PDZD8: variants seen among roughly 807,000 people sequenced by gnomAD.
PDZD8 encodes the protein PDZ domain-containing protein 8.
In PDZD8, 14 loss-of-function variants were observed where a neutral mutation model predicts 85.8. The observed-to-expected ratio is 0.16, with a 90% CI of 0.11 to 0.26. PDZD8 has a LOEUF of 0.26. Among genes scored for constraint, PDZD8 ranks in the 10% least tolerant of loss-of-function variants. The pLI is 1.00. For missense variants in PDZD8, 1,197 were observed against 1,424.3 expected, an observed-to-expected ratio of 0.84 and a Z score of 2.57; for synonymous variants, 592 against 568.6, an observed-to-expected ratio of 1.04 and a Z score of -0.59.
intron 3 of PDZD8, among the ~76,000 whole-genome samples, chr10:117,309,089 C>T (rs904085249): frequency 6.6e-6 from 1 of 152,088 alleles, no homozygotes; most frequent in African/African-American, 2.4e-5. Flanking sequence ...GAAGGTGCTA[C>T]TGTGCCTTGA....
At chr10:117,315,320 C>T (rs553680880) in intron 3 of PDZD8, among the ~76,000 whole-genome samples, 3 of 151,962 alleles carry the variant, frequency 2.0e-5, no homozygotes, top group Non-Finnish European at 2.9e-5. Context: ...TGAGGCCAGG[C>T]GCGGTGGCTC....
At position 117,320,235 on chromosome 10, in the gene PDZD8, T is replaced by A. The variant is rs549807349; in HGVS notation, c.996-1261A>T. ...ACTAAGTTTAGGGAAAAAATGAGAA[T>A]TTACATTCATTAAAGCTCTGCTGCC... On this transcript the variant is annotated intron_variant, in intron 2 of 4. Transcript: ENST00000334464. Among the ~76,000 whole-genome samples the A allele has an allele frequency of 8.5e-5, 13 of 152,184 alleles. No homozygotes were observed. The South Asian group carries it at 2.7e-3, about 32-fold the overall frequency.
chr10:117,321,993 C>T (rs1844233724), intron 2 of PDZD8, among the ~76,000 whole-genome samples: 1 of 152,104 alleles, frequency 6.6e-6, no homozygotes, highest in Non-Finnish European at 1.5e-5. Flanking sequence ...CATTATTTGT[C>T]CTATTCAAAG....
At position 117,372,193 on chromosome 10, in the gene PDZD8, T is replaced by C. The variant is rs1845205397; in HGVS notation, c.872+2163A>G. ...CAGATGTGCATACTTCTGGAAATGA[T>C]CATTTAATGCTTCACATTTAGAAGT... is the stretch of plus-strand genomic sequence containing the variant. On this transcript the variant is annotated intron_variant, in intron 1 of 4. Transcript: ENST00000334464. 2.6e-5 allele frequency among the ~76,000 whole-genome samples: 4 copies of C among 152,240 alleles called. No homozygotes were observed. In the South Asian group the frequency reaches 8.3e-4, roughly 31 times the overall value.
intron 3 of PDZD8, among the ~76,000 whole-genome samples, chr10:117,311,269 T>C (rs12256256): frequency 0.27 from 40,948 of 151,992 alleles, 5,860 homozygotes; most frequent in Middle Eastern, 0.35. Context: ...AGTATATCTC[T>C]CATTTTGTGG....
intron 4 of PDZD8, 104 bp from the exon 5 acceptor site, chr10:117,285,575 G>T: frequency 8.6e-7 from 1 of 1,160,682 alleles, no homozygotes; most frequent in South Asian, 2.3e-5. Context: ...CATTACCTCT[G>T]GTTATTTAAC....
intron 3 of PDZD8, among the ~76,000 whole-genome samples, chr10:117,296,869 T>C (rs1163372368): frequency 6.6e-6 from 1 of 152,046 alleles, no homozygotes; most frequent in African/African-American, 2.4e-5. Context: ...TTTATGACAC[T>C]GAGTTGGGCA....
intron 2 of PDZD8, among the ~76,000 whole-genome samples, chr10:117,330,227 G>A (rs1009313829): frequency 1.3e-4 from 19 of 151,808 alleles, no homozygotes; most frequent in Non-Finnish European, 2.9e-5. Flanking sequence ...ACATCCTCAT[G>A]CAGAACTCAA....
At chr10:117,342,270 G>C (rs1443006642) in intron 1 of PDZD8, among the ~76,000 whole-genome samples, 1 of 152,008 alleles carries the variant, frequency 6.6e-6, no homozygotes, top group East Asian at 1.9e-4. Context: ...TAAAGAAAAA[G>C]AAAATGAAAG....
chr10:117,341,783 A>G (rs948337265), intron 1 of PDZD8, among the ~76,000 whole-genome samples: 1 of 152,246 alleles, frequency 6.6e-6, no homozygotes, highest in Non-Finnish European at 1.5e-5. Context: ...TGTGGAACCC[A>G]TGGATGTGGA....
At chr10:117,349,600 C>CAT (rs1844767846) in intron 1 of PDZD8, among the ~76,000 whole-genome samples, 1 of 152,050 alleles carries the variant, frequency 6.6e-6, no homozygotes, top group Non-Finnish European at 1.5e-5. Context: ...CTCAGGAGCT[C>CAT]GTGACCAGCC....
intron 1 of PDZD8, among the ~76,000 whole-genome samples, chr10:117,342,758 G>A (rs987030906): frequency 4.6e-5 from 7 of 152,166 alleles, no homozygotes; most frequent in African/African-American, 1.2e-4. Context: ...CCAAAGTGCT[G>A]GGATTACAGG....
At chr10:117,328,547 G>A (rs1844357746) in intron 2 of PDZD8, among the ~76,000 whole-genome samples, 1 of 152,044 alleles carries the variant, frequency 6.6e-6, no homozygotes, top group African/African-American at 2.4e-5. Flanking sequence ...GAATAACTGG[G>A]ACTACAGGCA....
Position 117,374,777 on chromosome 10 carries a change from C to T in PDZD8, c.451G>A (p.Gly151Ser). 6.2e-7 allele frequency: 1 copy of T among 1,613,066 alleles called. No homozygotes were observed. Among genetic ancestry groups the T allele is most frequent in the Admixed American group, 1.7e-5 (1 of 60,016 alleles). The change falls in exon 1 of 5, where the codon GGC (glycine) becomes AGC (serine). Residue 151 changes from glycine to serine, a missense_variant. Gly to Ser is a moderately conservative substitution (Grantham distance 56). Around this residue, in one of 4 missense-constraint regions of PDZD8, gnomAD observed 344 missense variants for 453.6 expected, o/e 0.76. Coordinates refer to ENST00000334464, the MANE Select transcript of PDZD8 (RefSeq NM_173791.5). The surrounding 1 kb of genome is among the most constrained non-coding windows in gnomAD (Gnocchi z 7.8). Reference sequence around the variant, plus strand: ...GTCTTGATGAAGGGCACCGTCTCGCCCAGGAACACGTCCCGCAGGCTCAGC... The same window carrying T: ...GTCTTGATGAAGGGCACCGTCTCGCTCAGGAACACGTCCCGCAGGCTCAGC... ...EGLSLRDVFLGETVPFIKTIR... is the reference protein window; with the variant it reads ...EGLSLRDVFLSETVPFIKTIR...
chr10:117,332,799 G>C (rs1011693796), intron 2 of PDZD8, among the ~76,000 whole-genome samples: 4 of 149,478 alleles, frequency 2.7e-5, no homozygotes, highest in African/African-American at 9.8e-5. Context: ...GAATCACCAC[G>C]CCTGGCCTCT....
At position 117,281,411 on chromosome 10, in the gene PDZD8, T is replaced by C. The variant is rs1007166770; in HGVS notation, c.*1857A>G. 7.0e-6 allele frequency: 1 copy of C among 143,738 alleles called. No individual in the cohort carries two copies. Among genetic ancestry groups the C allele is most frequent in the Admixed American group, 6.8e-5 (1 of 14,622 alleles). The allele number at this position is 143,738 out of a possible 1,614,324, so 8.9% of individuals were successfully genotyped here. ...AAAAAAGACATCACGCTTAAATAAG[T>C]AATGAAGTATACTGAGATGTTTTTG... On this transcript the variant is annotated 3_prime_UTR_variant, in exon 5 of 5. Transcript: ENST00000334464.
rs765881914 is a variant in PDZD8, at chr10:117,285,017, T to C, written c.1716A>G (p.Ile572Met). The change falls in exon 5 of 5, where the codon ATA (isoleucine) becomes ATG (methionine). Residue 572 changes from isoleucine to methionine, a missense_variant. Physicochemically the swap from Ile to Met is conservative, Grantham distance 10 (BLOSUM62 1). Transcript: ENST00000334464. ...NKPPPLKTSE[I>M]TDPAQVSKPT... Reference sequence around the variant, plus strand: ...GTTTTGACACTTGTGCTGGGTCTGTTATCTCAGAAGTTTTTAGGGGTGGAG... The same window carrying C: ...GTTTTGACACTTGTGCTGGGTCTGTCATCTCAGAAGTTTTTAGGGGTGGAG... The C allele has an allele frequency of 8.1e-6, 13 of 1,614,130 alleles. 1 individual carries two copies. The highest frequency in any genetic ancestry group is 1.0e-5 in the Non-Finnish European group (12 of 1,180,000).
chr10:117,309,458 C>A (rs181108106), intron 3 of PDZD8, among the ~76,000 whole-genome samples: 1 of 151,884 alleles, frequency 6.6e-6, no homozygotes, highest in Non-Finnish European at 1.5e-5. Context: ...CTAGCCTGGC[C>A]TTTGATAGTC....
At chr10:117,354,245 A>G (rs1844854855) in intron 1 of PDZD8, among the ~76,000 whole-genome samples, 1 of 152,212 alleles carries the variant, frequency 6.6e-6, no homozygotes. Context: ...TCTTAAACCA[A>G]AAACAAAGCC....
Sources: allele counts gnomAD v4.1 joint callset (sites outside exome capture counted in the v4.1 genomes callset), GRCh38; gene constraint gnomAD v4.1.1; regional missense constraint gnomAD v4.1.1; non-coding constraint Gnocchi (gnomAD v3.1); transcripts MANE v1.5; gene names NCBI Gene and HGNC (gene_info 2026-07-23, HGNC 2026-07-21).